TMEM161B: variants seen among roughly 807,000 people sequenced by gnomAD.
TMEM161B encodes transmembrane protein 161B.
TMEM161B carries 34 observed loss-of-function variants against 61.8 expected under a neutral mutation model. That is an observed-to-expected ratio of 0.55 (90% CI 0.42 to 0.73). The LOEUF (loss-of-function observed/expected upper bound fraction) is 0.73, where lower values mean the gene tolerates loss of function less well. Among genes scored for constraint, TMEM161B ranks in the 30% least tolerant of loss-of-function variants. The pLI, the probability that TMEM161B is intolerant of heterozygous loss-of-function variation, is 0.00. For synonymous variants in TMEM161B, 167 were observed against 192.8 expected (o/e 0.87, Z 1.11); for missense variants, 456 against 558.5 (o/e 0.82, Z 1.85).
intron 2 of TMEM161B, among the ~76,000 whole-genome samples, chr5:88,236,980 A>G (rs1751959522): frequency 6.6e-6 from 1 of 152,188 alleles, no homozygotes; most frequent in African/African-American, 2.4e-5. Context: ...CTATTCAAGT[A>G]TGACAGTTCC....
At chr5:88,245,195 C>T (rs1195708880) in intron 1 of TMEM161B, among the ~76,000 whole-genome samples, 1 of 151,842 alleles carries the variant, frequency 6.6e-6, no homozygotes, top group African/African-American at 2.4e-5. Flanking sequence ...ATGTCTTAAA[C>T]TCTATCAACT....
At chr5:88,204,705 G>A (rs2112399592) in intron 8 of TMEM161B, among the ~76,000 whole-genome samples, 1 of 152,036 alleles carries the variant, frequency 6.6e-6, no homozygotes, top group Non-Finnish European at 1.5e-5. Context: ...AGGGAGACGG[G>A]TGGTGGGAGA....
At chr5:88,220,766 G>C in intron 4 of TMEM161B, 47 bp from the exon 5 acceptor site, 1 of 1,417,856 alleles carries the variant, frequency 7.1e-7, no homozygotes, top group Non-Finnish European at 9.2e-7. Flanking sequence ...AAAAAAAACA[G>C]TTTCACTTAC....
At chr5:88,240,061 T>C (rs1752474386) in intron 2 of TMEM161B, among the ~76,000 whole-genome samples, 1 of 151,904 alleles carries the variant, frequency 6.6e-6, no homozygotes, top group Non-Finnish European at 1.5e-5. Context: ...ACTGTATCTA[T>C]ACCTATACTT....
chr5:88,205,695 A>C, intron 8 of TMEM161B, 119 bp downstream of exon 8: 1 of 1,126,524 alleles, frequency 8.9e-7, no homozygotes, highest in Non-Finnish European at 1.2e-6. Flanking sequence ...AAGTAGTGTG[A>C]CATCAAATGG....
intron 1 of TMEM161B, among the ~76,000 whole-genome samples, chr5:88,264,520 T>C (rs1284098996): frequency 6.6e-6 from 1 of 152,198 alleles, no homozygotes; most frequent in African/African-American, 2.4e-5. Flanking sequence ...TGGAAGACAG[T>C]GTGGTGATTC....
chr5:88,191,458 T>C (rs1748841129), downstream of TMEM161B, among the ~76,000 whole-genome samples: 2 of 152,214 alleles, frequency 1.3e-5, no homozygotes, highest in East Asian at 1.9e-4. Flanking sequence ...GAACAGCCTA[T>C]GGCACATTAC....
chr5:88,186,265 TTGCAA>T, downstream of TMEM161B, among the ~76,000 whole-genome samples: 1 of 152,344 alleles, frequency 6.6e-6, no homozygotes, highest in South Asian at 2.1e-4. Context: ...CAACGATGCA[TTGCAA>T]TCAAATTTCT....
chr5:88,223,507 A>G (rs1749399375), intron 4 of TMEM161B, among the ~76,000 whole-genome samples: 1 of 152,218 alleles, frequency 6.6e-6, no homozygotes, highest in Non-Finnish European at 1.5e-5. Context: ...ACAACTACTA[A>G]TCAAAAAGTC....
downstream of TMEM161B, among the ~76,000 whole-genome samples, chr5:88,190,477 A>C (rs1192649287): frequency 6.6e-6 from 1 of 151,934 alleles, no homozygotes; most frequent in African/African-American, 2.4e-5. Context: ...TCCTCCCTCT[A>C]CCTGGAGAAA....
Position 88,228,615 on chromosome 5 carries a change from T to C in TMEM161B, c.108-87A>G, listed in dbSNP as rs914455841. 6.1e-6 allele frequency: 6 copies of C among 983,784 alleles called. No homozygotes were observed. The African/African-American group carries it at 8.4e-5, about 14-fold the overall frequency. The allele number at this position is 983,784 out of a possible 1,614,324, so 60.9% of individuals were successfully genotyped here. On this transcript the variant is annotated intron_variant, in intron 2 of 11. Transcript: ENST00000296595. The stretch of plus-strand genomic sequence containing the variant: ...CTATAAATATTTATTAAGTTTCATA[T>C]TTGTGAAGACACTGTCGAGAAATAT...
At chr5:88,251,434 G>A (rs927691136) in intron 1 of TMEM161B, among the ~76,000 whole-genome samples, 5 of 151,968 alleles carry the variant, frequency 3.3e-5, no homozygotes, top group Non-Finnish European at 5.9e-5. Flanking sequence ...CTAATCTTGC[G>A]GTCTTTCACT....
chr5:88,223,566 A>G (rs890485161), intron 4 of TMEM161B, among the ~76,000 whole-genome samples: 2 of 152,170 alleles, frequency 1.3e-5, no homozygotes, highest in African/African-American at 4.8e-5. Flanking sequence ...AGTTAAAAAG[A>G]AAAAAGAGGA....
chr5:88,225,012 G>A (rs1381091299), intron 4 of TMEM161B, among the ~76,000 whole-genome samples: 2 of 131,270 alleles, frequency 1.5e-5, no homozygotes, highest in East Asian at 2.4e-4. Flanking sequence ...CTGTCGCCCA[G>A]GCTGGAGTGC....
At chr5:88,208,365 A>T (rs1242258705) in intron 5 of TMEM161B, among the ~76,000 whole-genome samples, 1 of 152,178 alleles carries the variant, frequency 6.6e-6, no homozygotes, top group African/African-American at 2.4e-5. Context: ...GCCTGTAGTC[A>T]TAGCTACTAG....
chr5:88,190,433 C>T (rs1748689488), downstream of TMEM161B, among the ~76,000 whole-genome samples: 1 of 152,208 alleles, frequency 6.6e-6, no homozygotes, highest in African/African-American at 2.4e-5. Flanking sequence ...ACTCTCCCAT[C>T]TAGTAACCGA....
chr5:88,251,650 T>G (rs540943741), intron 1 of TMEM161B, among the ~76,000 whole-genome samples: 71 of 152,274 alleles, frequency 4.7e-4, no homozygotes, highest in Non-Finnish European at 8.5e-4. Context: ...TGTCATAATT[T>G]TGCAAAGGTA....
At chr5:88,193,655 A>G (rs1749200929), downstream of TMEM161B, among the ~76,000 whole-genome samples, 1 of 152,216 alleles carries the variant, frequency 6.6e-6, no homozygotes, top group Non-Finnish European at 1.5e-5. Flanking sequence ...CCAATAATGA[A>G]TTCTATGTCT....
intron 1 of TMEM161B, among the ~76,000 whole-genome samples, chr5:88,260,892 C>G (rs1755605842): frequency 6.6e-6 from 1 of 151,968 alleles, no homozygotes; most frequent in African/African-American, 2.4e-5. Context: ...TAGTTTATAG[C>G]CAAAACACAA....
Sources: allele counts gnomAD v4.1 joint callset (sites outside exome capture counted in the v4.1 genomes callset), GRCh38; gene constraint gnomAD v4.1.1; transcripts MANE v1.5; gene names NCBI Gene and HGNC (gene_info 2026-07-23, HGNC 2026-07-21).